Variants in DPP6 observed in about 807,000 individuals in gnomAD.
DPP6 encodes A-type potassium channel modulatory protein DPP6.
In DPP6, 69 loss-of-function variants were observed where a neutral mutation model predicts 122.6. The ratio of observed to expected loss-of-function variants is 0.56; its 90% confidence interval spans 0.46 to 0.69. The LOEUF is 0.69. DPP6 is among the 30% of genes least tolerant of loss of function. The probability of loss-of-function intolerance (pLI) is 0.00; values close to 1 mark genes in which losing one functional copy is unlikely to be tolerated. For missense variants in DPP6, 928 were observed against 1,116.9 expected (o/e 0.83, Z 2.41); for synonymous variants, 418 against 433.1 (o/e 0.97, Z 0.43).
intron 6 of DPP6, among the ~76,000 whole-genome samples, chr7:154,663,525 C>T (rs1837910835): frequency 5.0e-5 from 2 of 39,608 alleles, no homozygotes; most frequent in African/African-American, 4.7e-5. Context: ...GCGTATCGGC[C>T]GTAGTGTTCA....
intron 1 of DPP6, among the ~76,000 whole-genome samples, chr7:154,168,492 A>G (rs1189714797): frequency 2.6e-5 from 4 of 152,220 alleles, no homozygotes; most frequent in Non-Finnish European, 4.4e-5. Context: ...TCCTCTGTGG[A>G]AGGGCAGTCA....
chr7:153,784,178 C>T, the DPP6 span, among the ~76,000 whole-genome samples: 1 of 152,158 alleles, frequency 6.6e-6, no homozygotes, highest in Non-Finnish European at 1.5e-5. Flanking sequence ...TAAAGTTCAT[C>T]AACAAACATA....
Position 153,910,439 on chromosome 7 carries a change from C to T in DPP6, c.51+22705C>T, listed in dbSNP as rs74303469. On this transcript the variant is annotated intron_variant, in intron 1 of 25. Transcript: ENST00000404039. ...TGAGCTTCCAGGTCACCCTTCCCTCCATCTCAGGGGCTGCTTATTTCCTTT... is the reference window on the plus strand; with the variant it reads ...TGAGCTTCCAGGTCACCCTTCCCTCTATCTCAGGGGCTGCTTATTTCCTTT... Among the ~76,000 whole-genome samples the T allele has an allele frequency of 1.2e-3, 188 of 152,158 alleles. 4 individuals are homozygous for T. The East Asian group carries it at 0.03, about 25-fold the overall frequency.
chr7:154,873,320 G>A (rs867352150), intron 19 of DPP6, among the ~76,000 whole-genome samples: 1 of 152,180 alleles, frequency 6.6e-6, no homozygotes, highest in African/African-American at 2.4e-5. Context: ...TGATGTCCAC[G>A]CGCTGACACC....
the DPP6 span, among the ~76,000 whole-genome samples, chr7:153,846,480 A>AT: frequency 1.7e-3 from 261 of 151,154 alleles, 2 homozygotes; most frequent in Admixed American, 2.8e-3. Context: ...CAACTTATTA[A>AT]TTTTTTTTTG....
chr7:154,676,775 C>G (rs148526537), intron 7 of DPP6, among the ~76,000 whole-genome samples: 1 of 152,220 alleles, frequency 6.6e-6, no homozygotes, highest in African/African-American at 2.4e-5. Context: ...ACAAAGAAAA[C>G]GAGTCCCTTT....
chr7:154,700,248 C>G (rs1176022494), intron 7 of DPP6, among the ~76,000 whole-genome samples: 1 of 152,170 alleles, frequency 6.6e-6, no homozygotes, highest in African/African-American at 2.4e-5. Context: ...AAATATTTAG[C>G]GTCAAGTTTC....
intron 6 of DPP6, among the ~76,000 whole-genome samples, chr7:154,645,214 C>T (rs28588618): frequency 0.28 from 42,809 of 151,430 alleles, 6,412 homozygotes; most frequent in East Asian, 0.49. Context: ...TACAGGCGCC[C>T]ACCACCACGC....
chr7:154,878,457 T>G (rs1805070575), intron 20 of DPP6, among the ~76,000 whole-genome samples: 1 of 152,258 alleles, frequency 6.6e-6, no homozygotes, highest in East Asian at 1.9e-4. Flanking sequence ...CTTAGGAAGC[T>G]GATGCCCAAT....
chr7:154,239,914 C>T (rs1225405113), intron 1 of DPP6, among the ~76,000 whole-genome samples: 1 of 145,870 alleles, frequency 6.9e-6, no homozygotes. Flanking sequence ...ATCACTTGAA[C>T]CCAGGAGGCG....
chr7:154,584,598 C>T lies in DPP6; in HGVS notation c.627+17682C>T, dbSNP rs75026846. 3.5e-3 allele frequency among the ~76,000 whole-genome samples: 534 copies of T among 152,336 alleles called. 7 individuals carry two copies. Among genetic ancestry groups the T allele is most frequent in the African/African-American group, 0.012 (502 of 41,580 alleles). On this transcript the variant is annotated intron_variant, in intron 5 of 25. Transcript: ENST00000377770. ...GTTTATGTGAAAGGAGTGTTTGCCACGTCGCTCGGGACGCCCATCCTGGCA... is the reference window on the plus strand; with the variant it reads ...GTTTATGTGAAAGGAGTGTTTGCCATGTCGCTCGGGACGCCCATCCTGGCA...
At chr7:154,434,798 G>A (rs1235912715) in intron 1 of DPP6, among the ~76,000 whole-genome samples, 1 of 151,972 alleles carries the variant, frequency 6.6e-6, no homozygotes, top group Admixed American at 6.6e-5. Context: ...TTATGTTCAT[G>A]GCTGTTCCCA....
chr7:154,391,147 G>T (rs548994595), intron 1 of DPP6, among the ~76,000 whole-genome samples: 1 of 152,314 alleles, frequency 6.6e-6, no homozygotes, highest in African/African-American at 2.4e-5. Flanking sequence ...CGCGGCATCC[G>T]TATGCCCTTG....
chr7:154,773,412 G>A (rs1312212078), intron 10 of DPP6, among the ~76,000 whole-genome samples: 1 of 152,182 alleles, frequency 6.6e-6, no homozygotes, highest in Non-Finnish European at 1.5e-5. Flanking sequence ...TATTAACAAT[G>A]TTATTGAGTT....
At chr7:154,625,471 G>A (rs1835006341) in intron 5 of DPP6, among the ~76,000 whole-genome samples, 1 of 152,204 alleles carries the variant, frequency 6.6e-6, no homozygotes. Flanking sequence ...TATTTCTAGT[G>A]TGCCTTCTTA....
At chr7:153,988,201 A>G (rs1316637607) in intron 1 of DPP6, among the ~76,000 whole-genome samples, 2 of 152,070 alleles carry the variant, frequency 1.3e-5, no homozygotes, top group East Asian at 1.9e-4. Flanking sequence ...TGATGCATCA[A>G]ACTGAGGGTG....
At chr7:154,750,838 A>C (rs1843343269) in intron 8 of DPP6, among the ~76,000 whole-genome samples, 1 of 152,174 alleles carries the variant, frequency 6.6e-6, no homozygotes, top group African/African-American at 2.4e-5. Flanking sequence ...AGGATGGCCC[A>C]GGTTCAAGAG....
At chr7:154,101,378 C>T (rs1008873246) in intron 1 of DPP6, among the ~76,000 whole-genome samples, 3 of 148,948 alleles carry the variant, frequency 2.0e-5, no homozygotes, top group African/African-American at 7.3e-5. Flanking sequence ...TTTCTCCTTC[C>T]ATCCCTTCCC....
intron 1 of DPP6, among the ~76,000 whole-genome samples, chr7:154,007,668 A>C (rs575064783): frequency 3.4e-4 from 52 of 151,472 alleles, no homozygotes; most frequent in African/African-American, 9.3e-4. Context: ...TCTTTTTTAG[A>C]CAACGCTCCC....
Sources: allele counts gnomAD v4.1 joint callset (sites outside exome capture counted in the v4.1 genomes callset), GRCh38; gene constraint gnomAD v4.1.1; transcripts MANE v1.5; gene names NCBI Gene and HGNC (gene_info 2026-07-23, HGNC 2026-07-21).